Variants in FAM47E observed in about 807,000 individuals in gnomAD.
The protein encoded by FAM47E is family with sequence similarity 47 member E, also known as protein FAM47E.
Under a neutral mutation model 41.6 loss-of-function variants are expected in FAM47E, and 32 were observed. The observed-to-expected ratio is 0.77, with a 90% CI of 0.58 to 1.03. The LOEUF (loss-of-function observed/expected upper bound fraction) is 1.03, where lower values mean the gene tolerates loss of function less well. Ranked by LOEUF, FAM47E falls within the 50% of genes least tolerant of loss-of-function variation. The pLI is 0.00. For synonymous variants in FAM47E, 184 were observed against 188.7 expected (o/e 0.98, Z 0.20); for missense variants, 424 against 485.4 (o/e 0.87, Z 1.19).
At chr4:76,233,281 G>A (rs1286604555) in intron 2 of FAM47E, among the ~76,000 whole-genome samples, 1 of 108,932 alleles carries the variant, frequency 9.2e-6, no homozygotes, top group African/African-American at 3.2e-5. Flanking sequence ...TGTGTCCCCA[G>A]GCCTTACCAG....
chr4:76,226,885 T>G (rs1379234534), intron 2 of FAM47E, among the ~76,000 whole-genome samples: 1 of 152,224 alleles, frequency 6.6e-6, no homozygotes, highest in African/African-American at 2.4e-5. Flanking sequence ...CCATTTCACT[T>G]CTAATTGAGC....
intron 2 of FAM47E, among the ~76,000 whole-genome samples, chr4:76,257,424 A>G (rs1324779869): frequency 2.6e-5 from 4 of 152,122 alleles, no homozygotes; most frequent in African/African-American, 7.2e-5. Flanking sequence ...GAGCGAGACA[A>G]TGGTTCAGAA....
rs6532269 is a variant in FAM47E, at chr4:76,233,170, C to A, written c.81+15482C>A. Among the ~76,000 whole-genome samples, 273 of 152,280 alleles carry A rather than the reference C, an allele frequency of 1.8e-3. 1 individual carries two copies. The highest frequency in any genetic ancestry group is 6.8e-3 in the Middle Eastern group (2 of 294). On this transcript the variant is annotated intron_variant, in intron 2 of 7. Transcript: ENST00000510197. ...CAATTACATGTTGTAATGGTAACTCCTAGAATTTTTAACGTTAATTTAAAA... is the reference window on the plus strand; with the variant it reads ...CAATTACATGTTGTAATGGTAACTCATAGAATTTTTAACGTTAATTTAAAA...
At chr4:76,215,480 A>G (rs1055006210) in intron 1 of FAM47E, among the ~76,000 whole-genome samples, 3 of 152,244 alleles carry the variant, frequency 2.0e-5, no homozygotes, top group African/African-American at 7.2e-5. Flanking sequence ...TTGGTGAGAT[A>G]GCATGATGGT....
chr4:76,217,972 A>G (rs1373772161), intron 2 of FAM47E, among the ~76,000 whole-genome samples: 1 of 152,256 alleles, frequency 6.6e-6, no homozygotes, highest in Non-Finnish European at 1.5e-5. Context: ...AAATGAGTTT[A>G]ATGATGTAGT....
Position 76,283,369 on chromosome 4 carries a change from ATTTTT to A in FAM47E, c.1105-7_1105-3del, listed in dbSNP as rs528916918. 7.3e-7 allele frequency: 1 copy of A among 1,373,988 alleles called. No individual in the cohort carries two copies. Among genetic ancestry groups the A allele is most frequent in the Non-Finnish European group, 9.9e-7 (1 of 1,006,612 alleles). The allele number at this position is 1,373,988 out of a possible 1,614,324, so 85.1% of individuals were successfully genotyped here. On this transcript the variant is annotated splice_polypyrimidine_tract_variant and splice_region_variant and intron_variant, in intron 7 of 7. Coordinates refer to ENST00000424749, the MANE Select transcript of FAM47E (RefSeq NM_001136570.3). The stretch of plus-strand genomic sequence containing the variant: ...TTGCCAATCTAATGAAGGTTCTCTC[ATTTTT>A]TTTTAGTTCCTTGAGAATATGTATA...
intron 1 of FAM47E, among the ~76,000 whole-genome samples, chr4:76,215,569 G>A (rs1733191048): frequency 6.6e-6 from 1 of 152,140 alleles, no homozygotes; most frequent in Non-Finnish European, 1.5e-5. Context: ...AATTTGGGCA[G>A]GTTTTAGCAA....
intron 6 of FAM47E, 26 bp from the exon 7 acceptor site, chr4:76,280,238 T>C (rs1241468813): frequency 1.4e-6 from 2 of 1,455,030 alleles, no homozygotes; most frequent in Admixed American, 2.1e-5. Context: ...GCTGACCCCT[T>C]TCTTCAAATG....
At chr4:76,223,574 T>C (rs1352146642) in intron 2 of FAM47E, among the ~76,000 whole-genome samples, 1 of 152,048 alleles carries the variant, frequency 6.6e-6, no homozygotes, top group Non-Finnish European at 1.5e-5. Context: ...TCCCAAGACG[T>C]TGCATTGGAA....
At chr4:76,268,941 A>G in intron 4 of FAM47E, 173 bp downstream of exon 4, 2 of 753,738 alleles carry the variant, frequency 2.7e-6, no homozygotes, top group African/African-American at 1.8e-5. Flanking sequence ...TTCTTCTATT[A>G]TGTATAAATA....
intron 2 of FAM47E, among the ~76,000 whole-genome samples, chr4:76,244,533 C>CTTTTTTTTTTTTT (rs71212407): frequency 1.5e-5 from 1 of 66,052 alleles, no homozygotes; most frequent in Non-Finnish European, 2.7e-5. Flanking sequence ...AGGCATTCTT[C>CTTTTTTTTTTTTT]TTTTTTTTTT....
chr4:76,233,235 GT>G (rs1170367186), intron 2 of FAM47E, among the ~76,000 whole-genome samples: 1 of 151,964 alleles, frequency 6.6e-6, no homozygotes, highest in African/African-American at 2.4e-5. Context: ...CTGCAGCCAA[GT>G]TTTGCCTTCT....
intron 2 of FAM47E, among the ~76,000 whole-genome samples, chr4:76,234,753 GA>G (rs1286964993): frequency 1.3e-5 from 2 of 151,932 alleles, no homozygotes; most frequent in East Asian, 1.9e-4. Flanking sequence ...TCTATGGAAG[GA>G]AAAAAAATGT....
intron 3 of FAM47E, 122 bp from the exon 4 acceptor site, chr4:76,268,538 G>A: frequency 1.0e-6 from 1 of 960,638 alleles, no homozygotes; most frequent in Non-Finnish European, 1.5e-6. Context: ...ATTTGTATGT[G>A]AGCTTGCAAG....
rs1179703978 is a variant in FAM47E at position 76,283,774 on chromosome 4, T to G, written c.*316T>G. 1 of 191,228 alleles carries G rather than the reference T, an allele frequency of 5.2e-6. No homozygotes were observed. Among genetic ancestry groups the G allele is most frequent in the African/African-American group, 2.3e-5 (1 of 43,094 alleles). 11.8% of individuals were successfully genotyped at this position (191,228 alleles called of 1,614,324 possible). On this transcript the variant is annotated 3_prime_UTR_variant, in exon 8 of 8. Transcript: ENST00000424749. ...TGGTAAAAATAAATAAAGGCATAAA[T>G]AAAAACAGACTTACTCTATTGCCTT...
intron 2 of FAM47E, 32 bp downstream of exon 2, chr4:76,256,555 T>C: frequency 6.7e-7 from 1 of 1,499,368 alleles, no homozygotes; most frequent in Non-Finnish European, 8.9e-7. Flanking sequence ...GGGAGGGGCT[T>C]CACTGGGGCC....
At chr4:76,278,912 T>C (rs1735237588) in intron 6 of FAM47E, 1 of 152,200 alleles carries the variant, frequency 6.6e-6, no homozygotes, top group Non-Finnish European at 1.5e-5. Context: ...TGCAAACCTC[T>C]TCTCTTTTTC....
At chr4:76,266,776 C>T (rs1049482403) in intron 3 of FAM47E, among the ~76,000 whole-genome samples, 2 of 152,228 alleles carry the variant, frequency 1.3e-5, no homozygotes, top group African/African-American at 4.8e-5. Context: ...TGTCACCTCT[C>T]AAGCCTCATC....
intron 2 of FAM47E, among the ~76,000 whole-genome samples, chr4:76,225,071 GAAT>G (rs930728767): frequency 2.0e-5 from 3 of 152,142 alleles, no homozygotes; most frequent in African/African-American, 4.8e-5. Context: ...ACTTCACTTA[GAAT>G]AATGATCTCC....
Sources: allele counts gnomAD v4.1 joint callset (sites outside exome capture counted in the v4.1 genomes callset), GRCh38; gene constraint gnomAD v4.1.1; transcripts MANE v1.5; gene names NCBI Gene and HGNC (gene_info 2026-07-23, HGNC 2026-07-21).